Variants in LIN7A observed in about 807,000 individuals in gnomAD.
LIN7A encodes the protein lin-7 cell polarity scaffold A.
LIN7A carries 25 observed loss-of-function variants against 29.8 expected under a neutral mutation model. The observed-to-expected ratio is 0.84, with a 90% confidence interval of 0.61 to 1.17. The LOEUF is 1.17. Ranked by LOEUF, LIN7A falls within the 50% of genes most tolerant of loss-of-function variation. The pLI, the probability that LIN7A is intolerant of heterozygous loss-of-function variation, is 0.00. For missense variants in LIN7A, 239 were observed against 287.0 expected (o/e 0.83, Z 1.21); for synonymous variants, 118 against 107.5 (o/e 1.10, Z -0.60).
intron 2 of LIN7A, among the ~76,000 whole-genome samples, chr12:80,877,254 T>A (rs1874758701): frequency 6.6e-6 from 1 of 151,930 alleles, no homozygotes; most frequent in Non-Finnish European, 1.5e-5. Context: ...CCAACCAAGA[T>A]AGTGATAACC....
At chr12:80,908,071 A>G (rs1352503108) in intron 1 of LIN7A, among the ~76,000 whole-genome samples, 2 of 152,104 alleles carry the variant, frequency 1.3e-5, no homozygotes, top group South Asian at 2.1e-4. Context: ...CTGAGATATC[A>G]GTGATGAAGT....
chr12:80,935,788 G>A (rs1295266104), intron 1 of LIN7A: 11 of 509,508 alleles, frequency 2.2e-5, no homozygotes, highest in African/African-American at 5.8e-5. Flanking sequence ...CTGCATGTAC[G>A]TAATTACACT....
chr12:80,869,748 G>T (rs1018604704), intron 2 of LIN7A, among the ~76,000 whole-genome samples: 7 of 146,606 alleles, frequency 4.8e-5, no homozygotes, highest in Middle Eastern at 7.0e-3. Context: ...TACGCCAATG[G>T]TTTTTTTTTT....
chr12:80,917,059 GA>G (rs1304912760), intron 1 of LIN7A, among the ~76,000 whole-genome samples: 1 of 152,130 alleles, frequency 6.6e-6, no homozygotes, highest in African/African-American at 2.4e-5. Flanking sequence ...TGGGAGTAGG[GA>G]AAAGACAAGT....
chr12:80,845,029 G>A (rs1211627312), intron 4 of LIN7A, among the ~76,000 whole-genome samples: 1 of 151,988 alleles, frequency 6.6e-6, no homozygotes, highest in African/African-American at 2.4e-5. Flanking sequence ...ACGAGATCAG[G>A]AGATTGAGAC....
intron 2 of LIN7A, among the ~76,000 whole-genome samples, chr12:80,887,094 G>T (rs538683578): frequency 1.3e-5 from 2 of 152,146 alleles, no homozygotes; most frequent in Admixed American, 6.6e-5. Flanking sequence ...TCATTCAATT[G>T]TTCAAGCCCA....
intron 2 of LIN7A, among the ~76,000 whole-genome samples, chr12:80,882,284 A>ATTTTTTTTTTTTTTTTT (rs1463134808): frequency 1.4e-5 from 1 of 71,988 alleles, no homozygotes; most frequent in Non-Finnish European, 5.2e-5. Flanking sequence ...TTTTTCTTTC[A>ATTTTTTTTTTTTTTTTT]TTCTTTTTTT....
intron 1 of LIN7A, among the ~76,000 whole-genome samples, chr12:80,894,188 T>C (rs992146014): frequency 6.6e-6 from 1 of 152,204 alleles, no homozygotes; most frequent in Non-Finnish European, 1.5e-5. Context: ...TAGGTTCTTG[T>C]TCAGAACCTC....
intron 4 of LIN7A, among the ~76,000 whole-genome samples, chr12:80,844,059 T>A (rs1872946880): frequency 6.6e-6 from 1 of 151,994 alleles, no homozygotes; most frequent in Admixed American, 6.6e-5. Context: ...CATACTGTTT[T>A]TAAATCTATA....
At chr12:80,821,732 G>A (rs905770605) in intron 4 of LIN7A, among the ~76,000 whole-genome samples, 4 of 152,182 alleles carry the variant, frequency 2.6e-5, no homozygotes, top group Admixed American at 2.6e-4. Flanking sequence ...TTGGAGGGGC[G>A]AGAGCCCCAC....
chr12:80,804,950 T>A (rs529926123), intron 5 of LIN7A, among the ~76,000 whole-genome samples: 1 of 152,192 alleles, frequency 6.6e-6, no homozygotes, highest in South Asian at 2.1e-4. Context: ...CTTAGGTTGC[T>A]TCTAAATCTT....
chr12:80,830,112 G>A (rs1035894067), intron 4 of LIN7A, among the ~76,000 whole-genome samples: 1 of 152,016 alleles, frequency 6.6e-6, no homozygotes, highest in Admixed American at 6.6e-5. Context: ...ATTTTTTCTT[G>A]TCTCTGGGCC....
chr12:80,869,382 T>G (rs1397872840), intron 2 of LIN7A, among the ~76,000 whole-genome samples: 1 of 152,086 alleles, frequency 6.6e-6, no homozygotes, highest in Non-Finnish European at 1.5e-5. Flanking sequence ...ATGAACATGT[T>G]CTATCACACT....
intron 2 of LIN7A, among the ~76,000 whole-genome samples, chr12:80,874,779 C>T (rs1467625746): frequency 6.6e-6 from 1 of 152,094 alleles, no homozygotes; most frequent in East Asian, 1.9e-4. Flanking sequence ...GTCAGGAGAT[C>T]GAGATCATCC....
intron 1 of LIN7A, among the ~76,000 whole-genome samples, chr12:80,930,376 A>G (rs1339827925): frequency 6.6e-6 from 1 of 152,232 alleles, no homozygotes; most frequent in Non-Finnish European, 1.5e-5. Flanking sequence ...TCTCAATTGA[A>G]TAAACCAGAA....
In LIN7A at chr12:80,908,621, GATAGAGA is replaced by G. The variant is rs1318455766; in HGVS notation, c.83-19259_83-19253del. Among the ~76,000 whole-genome samples the G allele has an allele frequency of 2.6e-5, 4 of 152,156 alleles. No individual in the cohort carries two copies. In the East Asian group the frequency reaches 7.7e-4, roughly 29 times the overall value. ...ACTTTTCTGCACTTGAGACAATAAT[GATAGAGA>G]ATAAAGTTTACCTTTTTAAAGCTCA... is the stretch of plus-strand genomic sequence containing the variant. On this transcript the variant is annotated intron_variant, in intron 1 of 5. Transcript: ENST00000552864.
chr12:80,871,226 G>A (rs1343200994), intron 2 of LIN7A, among the ~76,000 whole-genome samples: 1 of 152,096 alleles, frequency 6.6e-6, no homozygotes, highest in Non-Finnish European at 1.5e-5. Flanking sequence ...TGGTTATTTT[G>A]TTTTAAAAGA....
intron 4 of LIN7A, among the ~76,000 whole-genome samples, chr12:80,845,198 C>CT (rs1873009644): frequency 6.8e-6 from 1 of 146,500 alleles, no homozygotes; most frequent in Non-Finnish European, 1.5e-5. Flanking sequence ...GATGGCACCA[C>CT]TGCACTCCAG....
At chr12:80,896,348 T>G (rs1481761533) in intron 1 of LIN7A, among the ~76,000 whole-genome samples, 1 of 152,236 alleles carries the variant, frequency 6.6e-6, no homozygotes, top group Non-Finnish European at 1.5e-5. Flanking sequence ...CACTGGCTAC[T>G]GACTTATTAC....
Sources: allele counts gnomAD v4.1 joint callset (sites outside exome capture counted in the v4.1 genomes callset), GRCh38; gene constraint gnomAD v4.1.1; transcripts MANE v1.5; gene names NCBI Gene and HGNC (gene_info 2026-07-23, HGNC 2026-07-21).